Variants in PSG3 observed in about 807,000 individuals in gnomAD.
PSG3 encodes pregnancy specific beta-1-glycoprotein 3.
In PSG3, 61 loss-of-function variants were observed where a neutral mutation model predicts 47.5. The observed-to-expected ratio is 1.28, with a 90% CI of 1.05 to 1.59. The LOEUF (loss-of-function observed/expected upper bound fraction) is 1.59, where lower values mean the gene tolerates loss of function less well. Ranked by LOEUF, PSG3 falls within the 40% of genes most tolerant of loss-of-function variation. The pLI is 0.00. For synonymous variants in PSG3, 263 were observed against 198.4 expected (o/e 1.33, Z -2.74); for missense variants, 756 against 524.0 (o/e 1.44, Z -4.32).
chr19:42,727,228 C>G (rs1419427864), intron 5 of PSG3, among the ~76,000 whole-genome samples: 1 of 152,046 alleles, frequency 6.6e-6, no homozygotes, highest in Non-Finnish European at 1.5e-5. Flanking sequence ...GTTGTAACAA[C>G]AAAAGCATAG....
intron 2 of PSG3, among the ~76,000 whole-genome samples, chr19:42,736,974 A>G (rs986476667): frequency 3.3e-5 from 5 of 151,990 alleles, no homozygotes; most frequent in Admixed American, 1.3e-4. Context: ...GGGGTGGGGG[A>G]AGAAGCTGTG....
At chr19:42,723,649 G>T (rs1969330359) in intron 6 of PSG3, among the ~76,000 whole-genome samples, 6 of 152,218 alleles carry the variant, frequency 3.9e-5, no homozygotes, top group African/African-American at 7.2e-5. Context: ...ACTATTGAGA[G>T]ATGTTAAAAA....
At chr19:42,730,758 G>C (rs1969460148) in intron 3 of PSG3, among the ~76,000 whole-genome samples, 2 of 152,220 alleles carry the variant, frequency 1.3e-5, no homozygotes, top group Non-Finnish European at 2.9e-5. Context: ...GCAAGAGCTG[G>C]TGGCTTTGGA....
At position 42,733,453 on chromosome 19, in the gene PSG3, G is replaced by A. The variant is rs2353146; in HGVS notation, c.431-391C>T. ...TAGTTTCAGTCTTACTTTGCCGCCC[G>A]AGGTATGTTTTCTCTGCAGCTTCCC... On this transcript the variant is annotated intron_variant, in intron 2 of 6. Transcript: ENST00000327495. The A allele has an allele frequency of 4.0e-3, 875 of 219,750 alleles. 6 individuals carry two copies. The highest frequency in any genetic ancestry group is 0.012 in the African/African-American group (526 of 44,140). 13.6% of individuals were successfully genotyped at this position (219,750 alleles called of 1,614,324 possible). A position where few individuals can be genotyped will look rare whatever the true frequency, so the allele number is the denominator to read the frequency against.
intron 3 of PSG3, among the ~76,000 whole-genome samples, chr19:42,730,981 C>G (rs988297068): frequency 5.9e-5 from 9 of 152,168 alleles, no homozygotes; most frequent in African/African-American, 1.2e-4. Context: ...AGAAGTTTTG[C>G]AAATATTTTC....
rs763988004 is a variant in PSG3 at position 42,732,811 on chromosome 19, T to A, written c.682A>T (p.Ser228Cys). 1.9e-6 allele frequency: 3 copies of A among 1,614,166 alleles called. No individual in the cohort carries two copies. The South Asian group carries it at 3.3e-5, about 18-fold the overall frequency. ...EIRNPVSASR[S>C]DPVTLNLLPK... The stretch of plus-strand genomic sequence containing the variant: ...AGGAGATTCAGGGTGACTGGGTCAC[T>A]GCGGCTGGCACTCACTGGGTTCCGT... Residue 228 changes from serine to cysteine, a missense_variant, in exon 3 of 7, where the codon AGT becomes TGT. Physicochemically the swap from Ser to Cys is moderately radical, Grantham distance 112. Transcript: ENST00000327495.
intron 3 of PSG3, among the ~76,000 whole-genome samples, chr19:42,731,447 G>T (rs554889453): frequency 2.0e-5 from 3 of 152,162 alleles, no homozygotes; most frequent in East Asian, 1.9e-4. Flanking sequence ...TTCTAGCTTG[G>T]TGATTAGTTT....
intron 5 of PSG3, 109 bp downstream of exon 5, chr19:42,729,014 G>T: frequency 1.3e-6 from 2 of 1,592,784 alleles, no homozygotes; most frequent in South Asian, 1.2e-5. Flanking sequence ...GGATTTGCTT[G>T]TGCCCATGGG....
chr19:42,723,865 G>C lies in PSG3; in HGVS notation c.*40+77C>G, dbSNP rs1969333299. On this transcript the variant is annotated intron_variant, in intron 6 of 6. Transcript: ENST00000327495. Reference sequence around the variant, plus strand: ...GGAGGAGATCCAGTCCCAGATACAGGCAAATAAGTCTTTTCCCTCTCCCAA... The same window carrying C: ...GGAGGAGATCCAGTCCCAGATACAGCCAAATAAGTCTTTTCCCTCTCCCAA... 5 of 1,172,714 alleles carry C rather than the reference G, an allele frequency of 4.3e-6. 1 individual carries two copies. In the South Asian group the frequency reaches 5.1e-5, roughly 12 times the overall value. The allele number at this position is 1,172,714 out of a possible 1,614,324, so 72.6% of individuals were successfully genotyped here. A position where few individuals can be genotyped will look rare whatever the true frequency, so the allele number is the denominator to read the frequency against.
chr19:42,739,149 T>C (rs1324487750), intron 1 of PSG3, 60 bp from the exon 2 acceptor site: 8 of 1,536,680 alleles, frequency 5.2e-6, no homozygotes, highest in Admixed American at 1.9e-5. Context: ...TGAAAAGATG[T>C]GGCCCTGGGT....
chr19:42,735,357 A>C (rs1297329632), intron 2 of PSG3, among the ~76,000 whole-genome samples: 2 of 151,786 alleles, frequency 1.3e-5, no homozygotes, highest in Non-Finnish European at 1.5e-5. Context: ...AGCATTCTTC[A>C]TGTCTCTAAA....
At chr19:42,737,358 A>G (rs1308342481) in intron 2 of PSG3, among the ~76,000 whole-genome samples, 1 of 151,948 alleles carries the variant, frequency 6.6e-6, no homozygotes, top group Non-Finnish European at 1.5e-5. Flanking sequence ...TTCATTTGTT[A>G]TGTAAGAGCT....
At chr19:42,734,743 G>T (rs1029117922) in intron 2 of PSG3, among the ~76,000 whole-genome samples, 6 of 152,150 alleles carry the variant, frequency 3.9e-5, no homozygotes, top group African/African-American at 1.4e-4. Context: ...GGACAGAACT[G>T]GTTAGTGTGT....
intron 5 of PSG3, among the ~76,000 whole-genome samples, chr19:42,726,052 C>A (rs115631104): frequency 0.01 from 1,546 of 152,012 alleles, 27 homozygotes; most frequent in African/African-American, 0.036. Flanking sequence ...ATGAATGGAA[C>A]TATAATCAGT....
At chr19:42,737,485 G>T (rs1166279586) in intron 2 of PSG3, among the ~76,000 whole-genome samples, 1 of 152,126 alleles carries the variant, frequency 6.6e-6, no homozygotes, top group East Asian at 1.9e-4. Context: ...GGGAAACACA[G>T]GATTTCAGGT....
chr19:42,723,896 G>A lies in PSG3; in HGVS notation c.*40+46C>T, dbSNP rs1230390172. ...AAGTCTTTTCCCTCTCCCAAGCATG[G>A]CAGTTAGCCCTGCAGGAACCAGGAT... On this transcript the variant is annotated intron_variant, in intron 6 of 6. Coordinates refer to ENST00000327495, the MANE Select transcript of PSG3 (RefSeq NM_021016.4). 4.9e-6 allele frequency: 7 copies of A among 1,433,950 alleles called. No homozygotes were observed. The Admixed American group carries it at 6.8e-5, about 14-fold the overall frequency. 88.8% of individuals were successfully genotyped at this position (1,433,950 alleles called of 1,614,324 possible).
intron 4 of PSG3, 140 bp downstream of exon 4, chr19:42,729,638 G>A: frequency 6.5e-7 from 1 of 1,529,172 alleles, no homozygotes; most frequent in South Asian, 1.3e-5. Flanking sequence ...GATCTTCCCA[G>A]GGCAGGAAGT....
intron 1 of PSG3, chr19:42,739,484 C>T (rs1208284265): frequency 1.5e-5 from 3 of 206,184 alleles, no homozygotes; most frequent in African/African-American, 6.9e-5. Flanking sequence ...GCTCTGCTCC[C>T]TCCAGGGTTC....
chr19:42,727,651 G>T (rs1249236046), intron 5 of PSG3, among the ~76,000 whole-genome samples: 2 of 152,188 alleles, frequency 1.3e-5, no homozygotes, highest in African/African-American at 4.8e-5. Flanking sequence ...TGGAAAAATT[G>T]GAGCTCTAGT....
Sources: gnomAD v4.1 joint callset for allele counts (sites outside exome capture counted in the v4.1 genomes callset) on GRCh38, gnomAD v4.1.1 for gene constraint, MANE v1.5 for transcripts, NCBI Gene and HGNC (gene_info 2026-07-23, HGNC 2026-07-21) for gene names.